The following EFCAB10 variants were observed in gnomAD, a reference collection of about 807,000 sequenced individuals.
EFCAB10 encodes EF-hand calcium-binding domain-containing protein 10.
A neutral mutation model predicts 7.7 loss-of-function variants in EFCAB10; 7 were observed. The observed-to-expected ratio is 0.91, with a 90% confidence interval of 0.52 to 1.72. The LOEUF (loss-of-function observed/expected upper bound fraction) is 1.72, where lower values mean the gene tolerates loss of function less well. EFCAB10 is among the 40% of genes most tolerant of loss of function. The probability of loss-of-function intolerance (pLI) is 0.00; values close to 1 mark genes in which losing one functional copy is unlikely to be tolerated. For synonymous variants in EFCAB10, 52 were observed against 21.0 expected, an observed-to-expected ratio of 2.47 and a Z score of -4.03; for missense variants, 112 against 61.5, an observed-to-expected ratio of 1.82 and a Z score of -2.74.
chr7:105,575,909 T>A (rs1219074294), intron 1 of EFCAB10, among the ~76,000 whole-genome samples: 1 of 151,948 alleles, frequency 6.6e-6, no homozygotes, highest in Admixed American at 6.6e-5. Flanking sequence ...TGGTGGCACA[T>A]GCCTGTAATC....
chr7:105,570,240 AATATAT>A lies in EFCAB10; in HGVS notation c.107-675_107-670del, dbSNP rs1190599721. On this transcript the variant is annotated intron_variant, in intron 1 of 4. Coordinates refer to ENST00000480514, the MANE Select transcript of EFCAB10 (RefSeq NM_001355526.2). ...AAAAAAAAAAAAAAAAAAAAAAAAA[AATATAT>A]ATATATATATATATATATATATACA... Among the ~76,000 whole-genome samples, 206 of 24,898 alleles carry A rather than the reference AATATAT, an allele frequency of 8.3e-3. 10 individuals carry two copies. Among genetic ancestry groups the A allele is most frequent in the African/African-American group, 0.025 (170 of 6,898 alleles). 16.3% of individuals were successfully genotyped at this position (24,898 alleles called of 152,430 possible).
At chr7:105,573,470 G>C (rs1398865080) in intron 1 of EFCAB10, 4 of 152,054 alleles carry the variant, frequency 2.6e-5, no homozygotes, top group Non-Finnish European at 5.9e-5. Flanking sequence ...AGGCTGCATG[G>C]GATGTTACAA....
At chr7:105,579,416 C>G (rs1706906) in intron 1 of EFCAB10, among the ~76,000 whole-genome samples, 148,731 of 152,264 alleles carry the variant, frequency 0.98, 72,719 homozygotes, top group East Asian at 1. Context: ...AATGAGAGGA[C>G]AGCTGTACTG....
intron 1 of EFCAB10, chr7:105,572,553 G>A (rs559291717): frequency 1.3e-5 from 2 of 152,328 alleles, no homozygotes; most frequent in African/African-American, 4.8e-5. Flanking sequence ...CCAGTGGTGG[G>A]AATGCCAGAT....
Position 105,565,463 on chromosome 7 carries a change from T to A in EFCAB10, c.*-16A>T, listed in dbSNP as rs112914598. The A allele has an allele frequency of 0.01, 16,555 of 1,613,114 alleles. 122 individuals carry two copies. Among genetic ancestry groups the A allele is most frequent in the Non-Finnish European group, 0.013 (15,104 of 1,179,142 alleles). ...ATGTATACATCTACCAAGAAGTAAG[T>A]AAGAATAGACTGTTTTTGGGCTGTG... On this transcript the variant is annotated splice_polypyrimidine_tract_variant and intron_variant, in intron 4 of 4. Coordinates refer to ENST00000480514, the MANE Select transcript of EFCAB10 (RefSeq NM_001355526.2).
Position 105,569,486 on chromosome 7 carries a change from A to G in EFCAB10, c.192T>C (p.Asp64=), listed in dbSNP as rs531192195. 4.3e-5 allele frequency: 30 copies of G among 703,096 alleles called. 1 individual carries two copies. The highest frequency in any genetic ancestry group is 3.7e-4 in the South Asian group (25 of 67,590). The allele number at this position is 703,096 out of a possible 1,614,324, so 43.6% of individuals were successfully genotyped here. ...VTGVAFPFFM[D]NSNIVAMFEM... is the part of the protein sequence containing the mutation. ...CAAACATAGCCACAATGTTAGAGTTATCCATAAAGAAAGGAAACGCCACGC... is the reference window on the plus strand; with the variant it reads ...CAAACATAGCCACAATGTTAGAGTTGTCCATAAAGAAAGGAAACGCCACGC... The change falls in exon 2 of 5, where the codon GAT becomes GAC. Residue 64 remains aspartate (D), a synonymous_variant. Transcript: ENST00000480514.
At chr7:105,567,565 G>A in intron 3 of EFCAB10, 75 bp from the exon 4 acceptor site, 1 of 634,422 alleles carries the variant, frequency 1.6e-6, no homozygotes, top group South Asian at 1.7e-5. Context: ...GAGTATGTCT[G>A]TTGAAGACGA....
intron 1 of EFCAB10, among the ~76,000 whole-genome samples, chr7:105,570,211 CAAAAAAAAAAA>C (rs1178986135): frequency 1.5e-3 from 26 of 17,342 alleles, no homozygotes; most frequent in South Asian, 3.1e-3. Flanking sequence ...AAGACTCTCT[CAAAAAAAAAAA>C]AAAAAAAAAA....
At position 105,565,516 on chromosome 7, in the gene EFCAB10, ATTCT is replaced by A. The variant is rs1791680385; in HGVS notation, c.*-73_*-70del. On this transcript the variant is annotated intron_variant, in intron 4 of 4. Coordinates refer to ENST00000480514, the MANE Select transcript of EFCAB10 (RefSeq NM_001355526.2). ...AATAAAGACAACTGTTATATGAATT[ATTCT>A]TTGTTTCAGATAATTCTTGCTAATC... The A allele has an allele frequency of 1.2e-6, 2 of 1,611,824 alleles. No homozygotes were observed. The highest frequency in any genetic ancestry group is 1.3e-5 in the African/African-American group (1 of 74,922).
chr7:105,574,566 G>A (rs1315837711), intron 1 of EFCAB10, among the ~76,000 whole-genome samples: 1 of 151,744 alleles, frequency 6.6e-6, no homozygotes, highest in Non-Finnish European at 1.5e-5. Flanking sequence ...CTCACTGCAA[G>A]CTCTACCTCC....
At position 105,581,484 on chromosome 7, in the gene EFCAB10, C is replaced by G. The variant is rs1416176902; in HGVS notation, c.-21G>C. The G allele has an allele frequency of 2.8e-6, 2 of 702,842 alleles. No homozygotes were observed. Among genetic ancestry groups the G allele is most frequent in the South Asian group, 3.0e-5 (2 of 67,562 alleles). The allele number at this position is 702,842 out of a possible 1,614,324, so 43.5% of individuals were successfully genotyped here. A position where few individuals can be genotyped will look rare whatever the true frequency, so the allele number is the denominator to read the frequency against. ...TCCATCGCTCCGCGTCCCGCTGTTG[C>G]TAGGCGACTGCCTGGCGTCTCAGCC... On this transcript the variant is annotated 5_prime_UTR_variant, in exon 1 of 5. Coordinates refer to ENST00000480514, the MANE Select transcript of EFCAB10 (RefSeq NM_001355526.2).
At chr7:105,579,003 C>T (rs1474668673) in intron 1 of EFCAB10, among the ~76,000 whole-genome samples, 3 of 152,106 alleles carry the variant, frequency 2.0e-5, no homozygotes, top group African/African-American at 7.2e-5. Flanking sequence ...TAGCTCTTGA[C>T]CTCAAGTGAT....
intron 1 of EFCAB10, among the ~76,000 whole-genome samples, chr7:105,570,268 T>TATATATATATATATAC (rs1188257284): frequency 3.3e-4 from 22 of 66,434 alleles, no homozygotes; most frequent in African/African-American, 7.6e-4. Context: ...TATATATATA[T>TATATATATATATATAC]ACACACACAC....
intron 1 of EFCAB10, chr7:105,573,261 C>T (rs1428485232): frequency 6.6e-6 from 1 of 152,174 alleles, no homozygotes; most frequent in Non-Finnish European, 1.5e-5. Flanking sequence ...AAATAGGCTA[C>T]TAAAGGCAGT....
intron 1 of EFCAB10, among the ~76,000 whole-genome samples, chr7:105,569,993 A>T (rs1791895104): frequency 6.6e-6 from 1 of 151,058 alleles, no homozygotes; most frequent in Non-Finnish European, 1.5e-5. Context: ...GAGGCCGAGG[A>T]GGGCAGATCA....
chr7:105,574,546 G>A (rs986666299), intron 1 of EFCAB10, among the ~76,000 whole-genome samples: 9 of 151,670 alleles, frequency 5.9e-5, no homozygotes, highest in South Asian at 2.1e-4. Context: ...GTGCAGAGGC[G>A]CGATCTTGGC....
At chr7:105,568,026 TGAATAA>T (rs1791837684) in intron 3 of EFCAB10, among the ~76,000 whole-genome samples, 1 of 152,186 alleles carries the variant, frequency 6.6e-6, no homozygotes, top group Non-Finnish European at 1.5e-5. Flanking sequence ...TGTGAGATGG[TGAATAA>T]GATAGGATTG....
At chr7:105,579,650 G>T (rs764838670) in intron 1 of EFCAB10, among the ~76,000 whole-genome samples, 1 of 152,172 alleles carries the variant, frequency 6.6e-6, no homozygotes, top group Non-Finnish European at 1.5e-5. Context: ...GGTGTATGAG[G>T]TGTGTGTTTA....
At chr7:105,578,555 A>G (rs1304136451) in intron 1 of EFCAB10, among the ~76,000 whole-genome samples, 6 of 152,310 alleles carry the variant, frequency 3.9e-5, no homozygotes, top group Middle Eastern at 6.8e-3. Flanking sequence ...AGCAACCACA[A>G]CAAAACCATT....
Sources: allele counts gnomAD v4.1 joint callset (sites outside exome capture counted in the v4.1 genomes callset), GRCh38; gene constraint gnomAD v4.1.1; transcripts MANE v1.5; gene names NCBI Gene and HGNC (gene_info 2026-07-23, HGNC 2026-07-21).